The following ZNF503 variants were observed in gnomAD, a reference collection of about 807,000 sequenced individuals.
The protein encoded by ZNF503 is zinc finger protein 503, also known as NocA-like zinc finger 2.
In ZNF503, 15 loss-of-function variants were observed where a neutral mutation model predicts 34.4. The observed-to-expected ratio is 0.44, with a 90% CI of 0.29 to 0.67. The LOEUF is 0.67. Ranked by LOEUF, ZNF503 falls within the 30% of genes least tolerant of loss-of-function variation. ZNF503 has a pLI of 0.13. For synonymous variants in ZNF503, 580 were observed against 456.8 expected (o/e 1.27, Z -3.44); for missense variants, 1,007 against 926.8 (o/e 1.09, Z -1.12).
At chr10:75,315,180 C>A in the ZNF503 span, among the ~76,000 whole-genome samples, 1 of 152,050 alleles carries the variant, frequency 6.6e-6, no homozygotes, top group Non-Finnish European at 1.5e-5. Flanking sequence ...GGCAACATAG[C>A]AAGACCCTGT....
chr10:75,342,451 T>G, the ZNF503 span, among the ~76,000 whole-genome samples: 445 of 152,220 alleles, frequency 2.9e-3, 4 homozygotes, highest in African/African-American at 0.01. Context: ...TGGAAAGCTC[T>G]GAAGCTGGGA....
the ZNF503 span, among the ~76,000 whole-genome samples, chr10:75,340,137 G>T: frequency 6.7e-6 from 1 of 149,328 alleles, no homozygotes; most frequent in African/African-American, 2.5e-5. Context: ...TCACCTGAAT[G>T]GGGGCCTGGT....
At chr10:75,354,316 A>G in the ZNF503 span, among the ~76,000 whole-genome samples, 2 of 152,244 alleles carry the variant, frequency 1.3e-5, no homozygotes, top group East Asian at 1.9e-4. Flanking sequence ...CATTATGCCA[A>G]TAAACGTGAA....
Position 75,400,308 on chromosome 10 carries a change from G to A in ZNF503, c.382C>T (p.Pro128Ser), listed in dbSNP as rs1589134024. The change falls in exon 2 of 2, where the codon CCC becomes TCC. Residue 128 changes from proline to serine, a missense_variant. By Grantham distance (74) the Pro-to-Ser change is moderately conservative. Coordinates refer to ENST00000372524, the MANE Select transcript of ZNF503 (RefSeq NM_032772.6). ...GAGGAGAGTTTGGAGGAGGGCGAGG[G>A]GTCGGGCTTCCCGATCTGCGAACAT... ...QTCSQIGKPD[P>S]SPSSKLSSVA... The A allele has an allele frequency of 2.5e-6, 4 of 1,613,012 alleles. No individual in the cohort carries two copies. The highest frequency in any genetic ancestry group is 3.4e-6 in the Non-Finnish European group (4 of 1,179,570).
chr10:75,327,082 G>A, the ZNF503 span, among the ~76,000 whole-genome samples: 1 of 152,076 alleles, frequency 6.6e-6, no homozygotes, highest in Admixed American at 6.6e-5. Context: ...TTTGTGTTAG[G>A]AACATTCAAA....
chr10:75,373,436 C>G, the ZNF503 span: 1 of 152,046 alleles, frequency 6.6e-6, no homozygotes, highest in Admixed American at 6.5e-5. Context: ...CGTGTACCTC[C>G]TTGTCTCAGT....
chr10:75,319,721 CA>C, the ZNF503 span, among the ~76,000 whole-genome samples: 1 of 152,068 alleles, frequency 6.6e-6, no homozygotes, highest in Non-Finnish European at 1.5e-5. Context: ...AAATATTAGG[CA>C]ACTATGTGCT....
chr10:75,284,349 G>A, the ZNF503 span, among the ~76,000 whole-genome samples: 1 of 151,270 alleles, frequency 6.6e-6, no homozygotes, highest in East Asian at 1.9e-4. Flanking sequence ...AGGGAGGAGA[G>A]GCCCAGAAGA....
At position 75,398,798 on chromosome 10, in the gene ZNF503, G is replaced by A; in HGVS notation, c.1892C>T (p.Ala631Val). Reference sequence around the variant, plus strand: ...GGTGGTCAGTCTCTGTCCGTAGAGGGCGTAGGGGGAGTAGTACGGTCCGGT... The same window carrying A: ...GGTGGTCAGTCTCTGTCCGTAGAGGACGTAGGGGGAGTAGTACGGTCCGGT... ...AATGPYYSPYALYGQRLTTAS... is the reference protein window; with the variant it reads ...AATGPYYSPYVLYGQRLTTAS... The change falls in exon 2 of 2, where the codon GCC becomes GTC. Residue 631 changes from alanine to valine, a missense_variant. Coordinates refer to ENST00000372524, the MANE Select transcript of ZNF503 (RefSeq NM_032772.6). 2.0e-6 allele frequency: 3 copies of A among 1,480,482 alleles called. No homozygotes were observed. The highest frequency in any genetic ancestry group is 2.7e-6 in the Non-Finnish European group (3 of 1,121,114). The allele number at this position is 1,480,482 out of a possible 1,614,324, so 91.7% of individuals were successfully genotyped here.
intron 1 of ZNF503, chr10:75,400,890 G>A (rs887947478): frequency 1.4e-6 from 1 of 701,654 alleles, no homozygotes; most frequent in Non-Finnish European, 2.3e-6. Context: ...GGAGAAACAA[G>A]TATTGGCAGC....
chr10:75,329,344 T>C, the ZNF503 span, among the ~76,000 whole-genome samples: 4 of 152,026 alleles, frequency 2.6e-5, no homozygotes, highest in African/African-American at 9.7e-5. Context: ...CTTTTTTCTC[T>C]TTTTCATTGA....
chr10:75,374,080 G>A, the ZNF503 span, among the ~76,000 whole-genome samples: 1 of 152,216 alleles, frequency 6.6e-6, no homozygotes, highest in Non-Finnish European at 1.5e-5. Context: ...TCGGGAGACC[G>A]AGGCAGGTGG....
At chr10:75,291,794 C>T in the ZNF503 span, among the ~76,000 whole-genome samples, 1 of 152,180 alleles carries the variant, frequency 6.6e-6, no homozygotes, top group Non-Finnish European at 1.5e-5. Flanking sequence ...AATTTTTGGC[C>T]CTGGAGGACT....
At chr10:75,329,459 C>CTTTCTTTCTTTT in the ZNF503 span, among the ~76,000 whole-genome samples, 29 of 54,780 alleles carry the variant, frequency 5.3e-4, no homozygotes, top group African/African-American at 1.2e-3. Flanking sequence ...TTCTTTCTTT[C>CTTTCTTTCTTTT]TCTTTCTTTC....
At chr10:75,346,052 T>C in the ZNF503 span, among the ~76,000 whole-genome samples, 1 of 152,226 alleles carries the variant, frequency 6.6e-6, no homozygotes, top group Non-Finnish European at 1.5e-5. Context: ...GCATCTGGCT[T>C]TCAGAAATGA....
downstream of ZNF503, among the ~76,000 whole-genome samples, chr10:75,395,746 G>A (rs1843689557): frequency 6.6e-6 from 1 of 152,194 alleles, no homozygotes; most frequent in African/African-American, 2.4e-5. The surrounding 1 kb of genome is among the most constrained non-coding windows in gnomAD (Gnocchi z 4.4). Flanking sequence ...ACCCCCGGGC[G>A]CCCCAGCGCC....
At chr10:75,313,983 T>C in the ZNF503 span, among the ~76,000 whole-genome samples, 1 of 152,024 alleles carries the variant, frequency 6.6e-6, no homozygotes, top group African/African-American at 2.4e-5. Flanking sequence ...GAGTGGAGGC[T>C]TTTTCAAATG....
At chr10:75,371,847 C>T in the ZNF503 span, among the ~76,000 whole-genome samples, 2 of 152,198 alleles carry the variant, frequency 1.3e-5, no homozygotes, top group South Asian at 4.1e-4. Flanking sequence ...CTTGCCACAC[C>T]TACCATCTTA....
At chr10:75,343,447 TGG>T in the ZNF503 span, 1 of 152,294 alleles carries the variant, frequency 6.6e-6, no homozygotes, top group Non-Finnish European at 1.5e-5. Flanking sequence ...TGGAAACAGC[TGG>T]GCCACCCCAC....
Sources: gnomAD v4.1 joint callset for allele counts (sites outside exome capture counted in the v4.1 genomes callset) on GRCh38, gnomAD v4.1.1 for gene constraint, Gnocchi (gnomAD v3.1) non-coding constraint, MANE v1.5 for transcripts, NCBI Gene and HGNC (gene_info 2026-07-23, HGNC 2026-07-21) for gene names.